Variants in MACROD2 observed in about 807,000 individuals in gnomAD.
MACROD2 encodes mono-ADP ribosylhydrolase 2.
Under a neutral mutation model 70.4 loss-of-function variants are expected in MACROD2, and 36 were observed. The observed-to-expected ratio is 0.51, with a 90% confidence interval of 0.39 to 0.68. The LOEUF (loss-of-function observed/expected upper bound fraction) is 0.68, where lower values mean the gene tolerates loss of function less well. Ranked by LOEUF, MACROD2 falls within the 30% of genes least tolerant of loss-of-function variation. The probability of loss-of-function intolerance (pLI) is 0.00; values close to 1 mark genes in which losing one functional copy is unlikely to be tolerated. For synonymous variants in MACROD2, 172 were observed against 178.8 expected (o/e 0.96, Z 0.30); for missense variants, 496 against 538.4 (o/e 0.92, Z 0.78).
chr20:14,326,308 T>A lies in MACROD2; in HGVS notation c.272-167171T>A, dbSNP rs2082734234. On this transcript the variant is annotated intron_variant, in intron 3 of 17. Transcript: ENST00000684519. The surrounding 1 kb of genome is among the most constrained non-coding windows in gnomAD (Gnocchi z 5.5). Reference sequence around the variant, plus strand: ...TCTTGAGGGACTCCCTGTGGTTTGGTGATCCTTAGTGAGCTTGGGGTTCTT... The same window carrying A: ...TCTTGAGGGACTCCCTGTGGTTTGGAGATCCTTAGTGAGCTTGGGGTTCTT... 1.2e-6 allele frequency: 2 copies of A among 1,613,906 alleles called. No individual in the cohort carries two copies. The highest frequency in any genetic ancestry group is 1.3e-5 in the African/African-American group (1 of 75,014).
chr20:14,278,554 C>T (rs902538038), intron 3 of MACROD2, among the ~76,000 whole-genome samples: 10 of 152,058 alleles, frequency 6.6e-5, no homozygotes, highest in Non-Finnish European at 1.5e-4. Context: ...TTTCTTCTTC[C>T]TTAAACTAAT....
intron 5 of MACROD2, among the ~76,000 whole-genome samples, chr20:14,962,449 TTA>T (rs201799271): frequency 7.0e-6 from 1 of 143,034 alleles, no homozygotes; most frequent in Admixed American, 6.9e-5. Flanking sequence ...TATATAGTAT[TTA>T]TATATATATA....
intron 3 of MACROD2, among the ~76,000 whole-genome samples, chr20:14,391,879 C>T (rs1480026024): frequency 2.0e-5 from 3 of 149,288 alleles, no homozygotes; most frequent in East Asian, 4.0e-4. Context: ...ACTATGTTCA[C>T]TAACTGGATG....
At chr20:15,250,777 G>A (rs1207464222) in intron 6 of MACROD2, among the ~76,000 whole-genome samples, 2 of 152,046 alleles carry the variant, frequency 1.3e-5, no homozygotes, top group Non-Finnish European at 2.9e-5. Flanking sequence ...ATTTATATTT[G>A]TATGCTTATT....
chr20:14,957,019 A>G (rs1008794281), intron 5 of MACROD2, among the ~76,000 whole-genome samples: 1 of 152,158 alleles, frequency 6.6e-6, no homozygotes, highest in Non-Finnish European at 1.5e-5. Flanking sequence ...ATTTGTACTT[A>G]TCTTTGACAA....
At chr20:14,647,703 C>T (rs550809287) in intron 4 of MACROD2, among the ~76,000 whole-genome samples, 8 of 152,184 alleles carry the variant, frequency 5.3e-5, no homozygotes, top group Non-Finnish European at 1.2e-4. Context: ...CAAACATCCT[C>T]TTTAATAGGA....
At chr20:14,187,085 G>T (rs1012408677) in intron 3 of MACROD2, among the ~76,000 whole-genome samples, 2 of 149,704 alleles carry the variant, frequency 1.3e-5, no homozygotes, top group Non-Finnish European at 3.0e-5. Flanking sequence ...AAACCTGCGC[G>T]TGTACCCCGA....
At chr20:15,887,677 T>C (rs1232862538) in intron 10 of MACROD2, among the ~76,000 whole-genome samples, 7 of 152,150 alleles carry the variant, frequency 4.6e-5, no homozygotes, top group Non-Finnish European at 1.5e-5. Context: ...AGAAACATAA[T>C]GTGAGCCTCA....
At chr20:15,503,081 C>G (rs1427889596) in intron 8 of MACROD2, among the ~76,000 whole-genome samples, 1 of 152,062 alleles carries the variant, frequency 6.6e-6, no homozygotes, top group Non-Finnish European at 1.5e-5. Context: ...ATAGAGCAAA[C>G]TGAATATTGA....
chr20:14,164,574 T>C (rs545365573), intron 3 of MACROD2, among the ~76,000 whole-genome samples: 1 of 152,158 alleles, frequency 6.6e-6, no homozygotes, highest in Admixed American at 6.5e-5. Flanking sequence ...GTGCTGGTGT[T>C]GGCAGTGGCT....
At chr20:14,462,965 G>A (rs1318649293) in intron 3 of MACROD2, among the ~76,000 whole-genome samples, 1 of 152,072 alleles carries the variant, frequency 6.6e-6, no homozygotes, top group African/African-American at 2.4e-5. Context: ...AAGTCAGGTA[G>A]CATGATGCCT....
chr20:16,035,580 T>A (rs2067223572), intron 15 of MACROD2, among the ~76,000 whole-genome samples: 1 of 152,016 alleles, frequency 6.6e-6, no homozygotes, highest in Non-Finnish European at 1.5e-5. Flanking sequence ...TAGCTATAAT[T>A]TCTATGGGAC....
Position 14,501,895 on chromosome 20 carries a change from G to A in MACROD2, c.301+8387G>A, listed in dbSNP as rs577381024. Reference sequence around the variant, plus strand: ...TCTATAAACAAATATTTTAAAGTTAGGAAGTACTCTAACAGGTGCCAGGAT... The same window carrying A: ...TCTATAAACAAATATTTTAAAGTTAAGAAGTACTCTAACAGGTGCCAGGAT... On this transcript the variant is annotated intron_variant, in intron 4 of 17. Transcript: ENST00000684519. 2.0e-5 allele frequency among the ~76,000 whole-genome samples: 3 copies of A among 152,230 alleles called. No homozygotes were observed. In the East Asian group the frequency reaches 5.8e-4, roughly 29 times the overall value.
intron 4 of MACROD2, among the ~76,000 whole-genome samples, chr20:14,671,648 T>G (rs1441821515): frequency 6.6e-6 from 1 of 152,208 alleles, no homozygotes; most frequent in Non-Finnish European, 1.5e-5. Context: ...AAATATTTAT[T>G]CTATTATACT....
chr20:15,463,100 A>G (rs1309159495), intron 7 of MACROD2, among the ~76,000 whole-genome samples: 3 of 152,210 alleles, frequency 2.0e-5, no homozygotes, highest in Admixed American at 2.0e-4. Context: ...GGAATTCTCA[A>G]AACTCTTGAA....
intron 6 of MACROD2, among the ~76,000 whole-genome samples, chr20:15,397,052 T>C (rs2045869051): frequency 6.6e-6 from 1 of 152,184 alleles, no homozygotes; most frequent in Admixed American, 6.5e-5. Context: ...AAGATAGCTG[T>C]CTGTTTTATA....
rs140337151 is a variant in MACROD2 at position 15,473,539 on chromosome 20, G to A, written c.572-26235G>A. 2.6e-5 allele frequency among the ~76,000 whole-genome samples: 4 copies of A among 152,236 alleles called. No homozygotes were observed. In the East Asian group the frequency reaches 7.7e-4, roughly 29 times the overall value. ...CATCCCCCCAGGACAATAGAAACCAGCATTCTAACATTGAATTTCAACTGT... is the reference window on the plus strand; with the variant it reads ...CATCCCCCCAGGACAATAGAAACCAACATTCTAACATTGAATTTCAACTGT... On this transcript the variant is annotated intron_variant, in intron 7 of 17. Coordinates refer to ENST00000684519, the MANE Select transcript of MACROD2 (RefSeq NM_001351661.2).
intron 5 of MACROD2, among the ~76,000 whole-genome samples, chr20:15,000,685 A>AT (rs1278178082): frequency 6.9e-6 from 1 of 145,180 alleles, no homozygotes; most frequent in Non-Finnish European, 1.5e-5. Flanking sequence ...GGAAATGTTC[A>AT]TTTTGTGAAA....
intron 5 of MACROD2, among the ~76,000 whole-genome samples, chr20:14,791,914 A>T (rs562431547): frequency 6.6e-6 from 1 of 152,018 alleles, no homozygotes; most frequent in East Asian, 1.9e-4. Flanking sequence ...GTTAATAATA[A>T]TCCATTTATT....
Sources: allele counts gnomAD v4.1 joint callset (sites outside exome capture counted in the v4.1 genomes callset), GRCh38; gene constraint gnomAD v4.1.1; non-coding constraint Gnocchi (gnomAD v3.1); transcripts MANE v1.5; gene names NCBI Gene and HGNC (gene_info 2026-07-23, HGNC 2026-07-21).